Variants in ST7 observed in about 807,000 individuals in gnomAD.
ST7 encodes suppressor of tumorigenicity 7 protein.
ST7 carries 28 observed loss-of-function variants against 78.7 expected under a neutral mutation model. That is an observed-to-expected ratio of 0.36 (90% CI 0.26 to 0.49). The LOEUF is 0.49. Among genes scored for constraint, ST7 ranks in the 20% least tolerant of loss-of-function variants. ST7 has a pLI of 0.99. For synonymous variants in ST7, 247 were observed against 249.6 expected, an observed-to-expected ratio of 0.99 and a Z score of 0.10; for missense variants, 418 against 696.0, an observed-to-expected ratio of 0.60 and a Z score of 4.49.
At chr7:117,145,281 T>C (rs1805673079) in intron 9 of ST7, 1 of 152,210 alleles carries the variant, frequency 6.6e-6, no homozygotes, top group African/African-American at 2.4e-5. Context: ...CCTAGAATTT[T>C]AGCGTAAAAC....
chr7:117,160,867 T>G (rs1455848634), intron 9 of ST7, among the ~76,000 whole-genome samples: 1 of 152,082 alleles, frequency 6.6e-6, no homozygotes, highest in East Asian at 1.9e-4. Flanking sequence ...CTCTGAGGCA[T>G]TCTTCAGGAT....
At chr7:117,088,782 C>T (rs1800353520) in intron 1 of ST7, among the ~76,000 whole-genome samples, 1 of 152,092 alleles carries the variant, frequency 6.6e-6, no homozygotes, top group African/African-American at 2.4e-5. Context: ...TGGAGTACTC[C>T]AGTATGAAGA....
At chr7:117,000,418 C>T (rs1003916885) in intron 1 of ST7, among the ~76,000 whole-genome samples, 2 of 152,200 alleles carry the variant, frequency 1.3e-5, no homozygotes, top group Middle Eastern at 6.8e-3. Flanking sequence ...CTAGTGGCTA[C>T]CATATTGAAT....
At chr7:117,164,458 G>A (rs1301759827) in intron 9 of ST7, among the ~76,000 whole-genome samples, 1 of 151,810 alleles carries the variant, frequency 6.6e-6, no homozygotes, top group Non-Finnish European at 1.5e-5. Context: ...GTGACATTAG[G>A]TAGGGTGGTA....
At chr7:116,978,609 A>G (rs938706290) in intron 1 of ST7, among the ~76,000 whole-genome samples, 2 of 152,000 alleles carry the variant, frequency 1.3e-5, no homozygotes, top group Non-Finnish European at 2.9e-5. Flanking sequence ...CTATCTAGAG[A>G]CAGTCTTTCT....
intron 1 of ST7, among the ~76,000 whole-genome samples, chr7:116,978,101 T>C (rs1264793344): frequency 6.6e-6 from 1 of 152,192 alleles, no homozygotes; most frequent in African/African-American, 2.4e-5. Flanking sequence ...GGCTGAATCA[T>C]TCCATGGGCC....
intron 9 of ST7, among the ~76,000 whole-genome samples, chr7:117,159,366 C>T (rs1806949931): frequency 6.6e-6 from 1 of 152,120 alleles, no homozygotes. Context: ...TGTTCTTCCC[C>T]ATAGGTATTA....
chr7:116,979,381 A>G (rs555387206), intron 1 of ST7, among the ~76,000 whole-genome samples: 22 of 152,226 alleles, frequency 1.4e-4, no homozygotes, highest in Non-Finnish European at 2.5e-4. Context: ...CTTATGCTGT[A>G]TCTTTCAATA....
chr7:117,096,081 A>AGG (rs1296775282), intron 1 of ST7, among the ~76,000 whole-genome samples: 1 of 149,802 alleles, frequency 6.7e-6, no homozygotes, highest in Non-Finnish European at 1.5e-5. Context: ...AAAAAAAAAA[A>AGG]AAAAAAAAAA....
chr7:116,953,785 GGGGACGCGCCGGGGCCCGCGCACC>G (rs1792273888), intron 1 of ST7, 94 bp downstream of exon 1: 1 of 929,952 alleles, frequency 1.1e-6, no homozygotes, highest in African/African-American at 1.8e-5. Flanking sequence ...GCGCGCGCTC[GGGGACGCGCCGGGGCCCGCGCACC>G]GGAGGCCCGC....
intron 9 of ST7, among the ~76,000 whole-genome samples, chr7:117,152,277 G>A (rs760669820): frequency 1.6e-4 from 22 of 139,502 alleles, no homozygotes; most frequent in Non-Finnish European, 3.4e-4. Context: ...TATAGAGCAG[G>A]CAGTCATTTT....
intron 15 of ST7, among the ~76,000 whole-genome samples, chr7:117,226,319 A>G (rs1036500635): frequency 1.3e-5 from 2 of 152,128 alleles, no homozygotes; most frequent in African/African-American, 4.8e-5. Context: ...TTTTCTCACC[A>G]CGAGACACTC....
Position 117,208,907 on chromosome 7 carries a change from GTGTGTGT to G in ST7, c.1255-879_1255-873del, listed in dbSNP as rs1792037625. 2.3e-3 allele frequency among the ~76,000 whole-genome samples: 47 copies of G among 20,248 alleles called. 1 individual carries two copies. Among genetic ancestry groups the G allele is most frequent in the South Asian group, 0.013 (3 of 232 alleles). The allele number at this position is 20,248 out of a possible 152,430, so 13.3% of individuals were successfully genotyped here. A position where few individuals can be genotyped will look rare whatever the true frequency, so the allele number is the denominator to read the frequency against. On this transcript the variant is annotated intron_variant, in intron 12 of 15. Coordinates refer to ENST00000323984, the MANE Select transcript of ST7 (RefSeq NM_001369598.1). ...GTGGGGTGGGTGTATGTGTGGGTGT[GTGTGTGT>G]GTGTGTGTGTGTGTGTGTGTGTGTG...
intron 1 of ST7, among the ~76,000 whole-genome samples, chr7:116,981,603 TAAC>T (rs1793964110): frequency 6.6e-6 from 1 of 152,228 alleles, no homozygotes; most frequent in South Asian, 2.1e-4. Context: ...CTTTTGTAGA[TAAC>T]AAGCATTTTT....
intron 1 of ST7, among the ~76,000 whole-genome samples, chr7:117,085,517 C>G (rs1005173362): frequency 4.6e-5 from 7 of 152,158 alleles, no homozygotes; most frequent in African/African-American, 1.7e-4. Flanking sequence ...TGCATGTGTG[C>G]GATGACTATT....
chr7:117,220,606 C>T (rs1793018928), intron 14 of ST7, among the ~76,000 whole-genome samples: 1 of 152,170 alleles, frequency 6.6e-6, no homozygotes, highest in Non-Finnish European at 1.5e-5. Context: ...TCTTTATAAG[C>T]CTGAAATAGG....
intron 10 of ST7, among the ~76,000 whole-genome samples, chr7:117,186,001 TAACAATATGTCATAAAG>T (rs1809228135): frequency 6.6e-6 from 1 of 152,222 alleles, no homozygotes; most frequent in Admixed American, 6.5e-5. Context: ...AGAACAGTTA[TAACAATATGTCATAAAG>T]TTATGTGAAT....
At chr7:117,061,328 G>A (rs779840620) in intron 1 of ST7, among the ~76,000 whole-genome samples, 2 of 152,144 alleles carry the variant, frequency 1.3e-5, no homozygotes, top group Non-Finnish European at 1.5e-5. Flanking sequence ...AGCAGGAAGA[G>A]CAAGTCTTAA....
intron 1 of ST7, among the ~76,000 whole-genome samples, chr7:116,971,903 C>T (rs1356891451): frequency 6.6e-6 from 1 of 152,168 alleles, no homozygotes; most frequent in Non-Finnish European, 1.5e-5. Flanking sequence ...TCACAATATG[C>T]CTTTTAAAGA....
Sources: allele counts gnomAD v4.1 joint callset (sites outside exome capture counted in the v4.1 genomes callset), GRCh38; gene constraint gnomAD v4.1.1; transcripts MANE v1.5; gene names NCBI Gene and HGNC (gene_info 2026-07-23, HGNC 2026-07-21).